Variants in NAV2 observed in about 807,000 individuals in gnomAD.
The protein encoded by NAV2 is neuron navigator 2.
Under a neutral mutation model 223.2 loss-of-function variants are expected in NAV2, and 54 were observed. That is an observed-to-expected ratio of 0.24 (90% confidence interval 0.19 to 0.30). NAV2 has a LOEUF of 0.30. Among genes scored for constraint, NAV2 ranks in the 10% least tolerant of loss-of-function variants. NAV2 has a pLI of 1.00. For missense variants in NAV2, 2,806 were observed against 3,147.5 expected (o/e 0.89, Z 2.60); for synonymous variants, 1,279 against 1,239.3 (o/e 1.03, Z -0.67).
At chr11:19,371,820 G>A (rs1848481649) in intron 1 of NAV2, among the ~76,000 whole-genome samples, 2 of 146,568 alleles carry the variant, frequency 1.4e-5, no homozygotes, top group African/African-American at 5.1e-5. Flanking sequence ...TGCTCAGGCT[G>A]GAGCTGGAGT....
At position 20,105,381 on chromosome 11, in the gene NAV2, A is replaced by G. The variant is rs111587893; in HGVS notation, c.6645-150A>G. On this transcript the variant is annotated intron_variant, in intron 34 of 37. Transcript: ENST00000349880. ...AGGAACTGTGAGTTAATACATAGTTACAATGTTTAGAAGAGTGTTCGGTGC... is the reference window on the plus strand; with the variant it reads ...AGGAACTGTGAGTTAATACATAGTTGCAATGTTTAGAAGAGTGTTCGGTGC... The G allele has an allele frequency of 4.0e-3, 2,421 of 600,006 alleles. 47 individuals are homozygous for G. The highest frequency in any genetic ancestry group is 0.039 in the African/African-American group (2,118 of 54,254). The allele number at this position is 600,006 out of a possible 1,614,324, so 37.2% of individuals were successfully genotyped here.
rs531154077 is a variant in NAV2, at chr11:19,958,217, T to C, written c.2645+9137T>C. ...GCCTTGGACACTGGAATCCTTTCCT[T>C]TGGCCTACCTTCTGGGTAGGCTCCA... On this transcript the variant is annotated intron_variant, in intron 10 of 37. Coordinates refer to ENST00000349880, the MANE Select transcript of NAV2 (RefSeq NM_145117.5). Among the ~76,000 whole-genome samples, 7 of 152,232 alleles carry C rather than the reference T, an allele frequency of 4.6e-5. No individual in the cohort carries two copies. The South Asian group carries it at 1.4e-3, about 32-fold the overall frequency.
chr11:19,575,779 A>C (rs1164485100), intron 1 of NAV2, among the ~76,000 whole-genome samples: 3 of 152,200 alleles, frequency 2.0e-5, no homozygotes, highest in Non-Finnish European at 4.4e-5. Context: ...CTCTGCAGCT[A>C]CAGGACCTAG....
intron 1 of NAV2, among the ~76,000 whole-genome samples, chr11:19,821,322 T>G (rs2059370656): frequency 6.7e-6 from 1 of 149,540 alleles, no homozygotes; most frequent in Non-Finnish European, 1.5e-5. Context: ...TATCCTGAGG[T>G]GTGGATGAAG....
intron 1 of NAV2, among the ~76,000 whole-genome samples, chr11:19,723,719 G>A (rs986068518): frequency 3.9e-5 from 6 of 152,220 alleles, no homozygotes; most frequent in African/African-American, 1.4e-4. Flanking sequence ...TGCTGTGGCT[G>A]CTGTCCCCCA....
At chr11:20,108,574 C>T (rs1296157661) in intron 36 of NAV2, among the ~76,000 whole-genome samples, 1 of 150,314 alleles carries the variant, frequency 6.7e-6, no homozygotes, top group Admixed American at 6.6e-5. Context: ...TCCCAAGTAG[C>T]TGGGATTACA....
chr11:19,783,119 T>C (rs2152688084), intron 1 of NAV2, among the ~76,000 whole-genome samples: 1 of 152,310 alleles, frequency 6.6e-6, no homozygotes, highest in East Asian at 1.9e-4. Flanking sequence ...TTACTGGGCT[T>C]AGGAAGGTGT....
chr11:19,808,812 T>A (rs1272623314), intron 1 of NAV2, among the ~76,000 whole-genome samples: 2 of 152,238 alleles, frequency 1.3e-5, no homozygotes, highest in Non-Finnish European at 2.9e-5. Flanking sequence ...TTATTGAGTA[T>A]TTAATTCATT....
Position 19,713,783 on chromosome 11 carries a change from G to T in NAV2, c.88G>T (p.Ala30Ser), listed in dbSNP as rs769091388. The part of the protein sequence containing the change: ...SAAPILHVPP[A>S]RAGPQPCYLK... ...CGCGCCCATCCTGCACGTGCCCCCGGCCCGGGCGGGCCCCCAGCCCTGCTA... is the reference window on the plus strand; with the variant it reads ...CGCGCCCATCCTGCACGTGCCCCCGTCCCGGGCGGGCCCCCAGCCCTGCTA... Residue 30 changes from alanine to serine, a missense_variant, in exon 1 of 38, where the codon GCC (alanine) becomes TCC (serine). Ala to Ser is a moderately conservative substitution (Grantham distance 99, BLOSUM62 1). Transcript: ENST00000349880. The surrounding 1 kb of genome is among the most constrained non-coding windows in gnomAD (Gnocchi z 7.2). The T allele has an allele frequency of 3.1e-6, 5 of 1,612,644 alleles. No homozygotes were observed. Among genetic ancestry groups the T allele is most frequent in the Non-Finnish European group, 4.2e-6 (5 of 1,179,688 alleles).
chr11:19,537,854 T>C (rs1007211031), intron 1 of NAV2, among the ~76,000 whole-genome samples: 1 of 152,218 alleles, frequency 6.6e-6, no homozygotes, highest in African/African-American at 2.4e-5. Flanking sequence ...ATCAGTAAAA[T>C]GGAAATAATA....
chr11:19,373,623 T>A (rs1458844537), intron 1 of NAV2, among the ~76,000 whole-genome samples: 3 of 152,184 alleles, frequency 2.0e-5, no homozygotes, highest in Non-Finnish European at 1.5e-5. Flanking sequence ...ACCCTCCCTG[T>A]TTTTTGTTTG....
intron 19 of NAV2, among the ~76,000 whole-genome samples, chr11:20,056,323 G>A (rs56164302): frequency 0.13 from 19,034 of 152,220 alleles, 1,252 homozygotes; most frequent in East Asian, 0.21. Flanking sequence ...GAGAACTACT[G>A]GAGAGTTCAT....
intron 4 of NAV2, among the ~76,000 whole-genome samples, chr11:19,870,521 G>A (rs1243955657): frequency 6.6e-6 from 1 of 151,998 alleles, no homozygotes; most frequent in East Asian, 1.9e-4. Flanking sequence ...TGCCTGGCTG[G>A]TAGTGACCCC....
intron 1 of NAV2, among the ~76,000 whole-genome samples, chr11:19,377,833 T>C (rs1368220839): frequency 2.0e-5 from 3 of 152,160 alleles, no homozygotes; most frequent in Non-Finnish European, 4.4e-5. Flanking sequence ...GAATCCAATT[T>C]CATTTCATTC....
At chr11:19,968,937 G>A (rs1221763224) in intron 10 of NAV2, among the ~76,000 whole-genome samples, 5 of 152,002 alleles carry the variant, frequency 3.3e-5, no homozygotes, top group South Asian at 2.1e-4. Flanking sequence ...CTCCTTGTCC[G>A]CAGGCTGGCT....
At chr11:19,884,348 G>GA in intron 5 of NAV2, 2 of 1,613,816 alleles carry the variant, frequency 1.2e-6, no homozygotes, top group Non-Finnish European at 1.7e-6. Flanking sequence ...CTCTGGGTCA[G>GA]AAAAAGATCT....
intron 1 of NAV2, among the ~76,000 whole-genome samples, chr11:19,522,901 G>A (rs888897504): frequency 6.6e-5 from 10 of 152,152 alleles, no homozygotes; most frequent in African/African-American, 1.2e-4. Flanking sequence ...ACCTACCTCC[G>A]GGGTCTTACT....
rs367743822 is a variant in NAV2, at chr11:19,758,737, G to A, written c.267+44775G>A. Among the ~76,000 whole-genome samples, 20 of 152,248 alleles carry A rather than the reference G, an allele frequency of 1.3e-4. No individual in the cohort carries two copies. In the East Asian group the frequency reaches 1.4e-3, roughly 10 times the overall value. On this transcript the variant is annotated intron_variant, in intron 1 of 37. Coordinates refer to ENST00000349880, the MANE Select transcript of NAV2 (RefSeq NM_145117.5). ...CAGTCAACTGACCTGGGGGATTGTG[G>A]GTTCCCTCCACGCCAGCTCGGGCTG...
chr11:19,528,524 G>A (rs1217744452), intron 1 of NAV2, among the ~76,000 whole-genome samples: 1 of 152,158 alleles, frequency 6.6e-6, no homozygotes, highest in African/African-American at 2.4e-5. Flanking sequence ...ACTCCGGCAG[G>A]TGGGCAGAGG....
Sources: gnomAD v4.1 joint callset for allele counts (sites outside exome capture counted in the v4.1 genomes callset) on GRCh38, gnomAD v4.1.1 for gene constraint, Gnocchi (gnomAD v3.1) non-coding constraint, MANE v1.5 for transcripts, NCBI Gene and HGNC (gene_info 2026-07-23, HGNC 2026-07-21) for gene names.